Variants in GALNT13 observed in about 807,000 individuals in gnomAD.
GALNT13 encodes polypeptide N-acetylgalactosaminyltransferase 13, also known as UDP-GalNAc:polypeptide N-acetylgalactosaminyltransferase 13.
In GALNT13, 28 loss-of-function variants were observed where a neutral mutation model predicts 64.2. That is an observed-to-expected ratio of 0.44 (90% CI 0.32 to 0.60). The LOEUF (loss-of-function observed/expected upper bound fraction) is 0.60, where lower values mean the gene tolerates loss of function less well. Ranked by LOEUF, GALNT13 falls within the 20% of genes least tolerant of loss-of-function variation. The pLI, the probability that GALNT13 is intolerant of heterozygous loss-of-function variation, is 0.05. For missense variants in GALNT13, 577 were observed against 669.8 expected (o/e 0.86, Z 1.53); for synonymous variants, 214 against 224.6 (o/e 0.95, Z 0.42).
At chr2:154,411,317 TACACACACACACACACACAC>T (rs59114913) in intron 11 of GALNT13, among the ~76,000 whole-genome samples, 20 of 147,880 alleles carry the variant, frequency 1.4e-4, no homozygotes, top group African/African-American at 4.3e-4. Context: ...TAATTGCACA[TACACACACACACACACACAC>T]ACACACACAC....
chr2:154,107,220 T>C (rs1330275776), intron 3 of GALNT13, among the ~76,000 whole-genome samples: 1 of 152,188 alleles, frequency 6.6e-6, no homozygotes, highest in African/African-American at 2.4e-5. Flanking sequence ...TTATAAATTA[T>C]TCATCTTTAG....
chr2:154,423,126 T>C (rs1178514193), intron 11 of GALNT13, among the ~76,000 whole-genome samples: 2 of 140,756 alleles, frequency 1.4e-5, no homozygotes, highest in Non-Finnish European at 1.5e-5. Flanking sequence ...AGTGTTCTCA[T>C]TGTTCATTTC....
chr2:153,311,871 G>A, the GALNT13 span, among the ~76,000 whole-genome samples: 1 of 152,184 alleles, frequency 6.6e-6, no homozygotes. Context: ...ACTACCAGGA[G>A]GTGAGGAGCA....
Position 153,963,317 on chromosome 2 carries a change from C to T in GALNT13, c.142+18678C>T, listed in dbSNP as rs866167249. On this transcript the variant is annotated intron_variant, in intron 3 of 12. Coordinates refer to ENST00000392825, the MANE Select transcript of GALNT13 (RefSeq NM_052917.4). ...TGGATGGAGTACAATTATCTTTATTCTTGCACTGGCTGGTGGACATTTAGG... is the reference window on the plus strand; with the variant it reads ...TGGATGGAGTACAATTATCTTTATTTTTGCACTGGCTGGTGGACATTTAGG... 4.6e-5 allele frequency among the ~76,000 whole-genome samples: 7 copies of T among 152,312 alleles called. No homozygotes were observed. The Middle Eastern group carries it at 0.014, about 296-fold the overall frequency.
the GALNT13 span, among the ~76,000 whole-genome samples, chr2:153,634,924 T>C: frequency 6.6e-5 from 10 of 152,040 alleles, no homozygotes. Context: ...TTTCTCTTCC[T>C]GTGGTTCTCT....
the GALNT13 span, among the ~76,000 whole-genome samples, chr2:153,771,279 A>C: frequency 6.6e-6 from 1 of 152,138 alleles, no homozygotes; most frequent in Non-Finnish European, 1.5e-5. Context: ...CTGCCACCAC[A>C]ACAAGATCTT....
the GALNT13 span, among the ~76,000 whole-genome samples, chr2:153,224,755 T>C: frequency 1.3e-5 from 2 of 152,130 alleles, no homozygotes; most frequent in Non-Finnish European, 2.9e-5. Flanking sequence ...TTAGATGAAA[T>C]GAAGCAATTC....
chr2:154,396,471 C>A (rs1699057918), intron 10 of GALNT13, among the ~76,000 whole-genome samples: 1 of 152,090 alleles, frequency 6.6e-6, no homozygotes, highest in Admixed American at 6.6e-5. Context: ...AAACTGAGAA[C>A]TTTAAAACCC....
chr2:153,767,302 G>A, the GALNT13 span, among the ~76,000 whole-genome samples: 1 of 152,028 alleles, frequency 6.6e-6, no homozygotes, highest in South Asian at 2.1e-4. Context: ...TTATGGCTGG[G>A]TAGTATTCCA....
chr2:153,574,807 C>T, the GALNT13 span, among the ~76,000 whole-genome samples: 1 of 151,628 alleles, frequency 6.6e-6, no homozygotes, highest in Non-Finnish European at 1.5e-5. Flanking sequence ...TTCTTCAACA[C>T]AGCTATTTTG....
chr2:153,274,226 C>G, the GALNT13 span, among the ~76,000 whole-genome samples: 1 of 152,102 alleles, frequency 6.6e-6, no homozygotes, highest in Admixed American at 6.6e-5. Flanking sequence ...AAATTTATAG[C>G]TTTCCATCAC....
At chr2:153,316,835 C>T in the GALNT13 span, among the ~76,000 whole-genome samples, 22 of 151,974 alleles carry the variant, frequency 1.4e-4, no homozygotes, top group Admixed American at 3.9e-4. Context: ...GAATAAGTGA[C>T]GTGGCAGAGA....
the GALNT13 span, among the ~76,000 whole-genome samples, chr2:153,475,671 C>T: frequency 6.6e-6 from 1 of 152,232 alleles, no homozygotes; most frequent in East Asian, 1.9e-4. Flanking sequence ...AGCATGTGCC[C>T]GTACACAGCA....
At chr2:153,534,591 A>T in the GALNT13 span, among the ~76,000 whole-genome samples, 37 of 147,174 alleles carry the variant, frequency 2.5e-4, no homozygotes, top group African/African-American at 9.6e-4. Context: ...GCCAAGTCCG[A>T]AAAGAGAGTC....
At chr2:153,254,680 G>T in the GALNT13 span, among the ~76,000 whole-genome samples, 35 of 152,080 alleles carry the variant, frequency 2.3e-4, no homozygotes, top group African/African-American at 6.3e-4. Context: ...CTTTGTTCTC[G>T]TTGGTTTCAA....
the GALNT13 span, among the ~76,000 whole-genome samples, chr2:153,379,610 C>T: frequency 6.6e-6 from 1 of 152,128 alleles, no homozygotes; most frequent in African/African-American, 2.4e-5. Context: ...TAAATGATGA[C>T]AGGTCTACGA....
the GALNT13 span, among the ~76,000 whole-genome samples, chr2:153,484,465 T>C: frequency 7.0e-4 from 106 of 152,324 alleles, no homozygotes; most frequent in African/African-American, 2.5e-3. Context: ...AATTACACTT[T>C]TAGGATGAGT....
chr2:153,994,520 T>A (rs1695387335), intron 3 of GALNT13, among the ~76,000 whole-genome samples: 2 of 152,218 alleles, frequency 1.3e-5, no homozygotes, highest in Admixed American at 1.3e-4. Flanking sequence ...TGAACTAGTT[T>A]ACAGTCCCAC....
At chr2:153,568,709 G>A in the GALNT13 span, among the ~76,000 whole-genome samples, 1 of 152,112 alleles carries the variant, frequency 6.6e-6, no homozygotes, top group Non-Finnish European at 1.5e-5. Flanking sequence ...GAATACACCT[G>A]CATAACCACA....
Sources: gnomAD v4.1 joint callset for allele counts (sites outside exome capture counted in the v4.1 genomes callset) on GRCh38, gnomAD v4.1.1 for gene constraint, MANE v1.5 for transcripts, NCBI Gene and HGNC (gene_info 2026-07-23, HGNC 2026-07-21) for gene names.